DDHD1: variants seen among roughly 807,000 people sequenced by gnomAD.
DDHD1 encodes the protein DDHD domain containing 1.
A neutral mutation model predicts 96.4 loss-of-function variants in DDHD1; 49 were observed. The observed-to-expected ratio is 0.51, with a 90% CI of 0.40 to 0.64. The LOEUF is 0.64. Ranked by LOEUF, DDHD1 falls within the 30% of genes least tolerant of loss-of-function variation. The pLI is 0.00. For missense variants in DDHD1, 1,106 were observed against 1,161.2 expected, an observed-to-expected ratio of 0.95 and a Z score of 0.69; for synonymous variants, 442 against 446.5, an observed-to-expected ratio of 0.99 and a Z score of 0.13.
chr14:53,146,754 C>G (rs1328803025), intron 1 of DDHD1, among the ~76,000 whole-genome samples: 5 of 152,138 alleles, frequency 3.3e-5, no homozygotes, highest in Non-Finnish European at 7.3e-5. Flanking sequence ...TGATTCAACA[C>G]TTGTTATGGG....
intron 1 of DDHD1, among the ~76,000 whole-genome samples, chr14:53,111,385 ATTTT>A (rs112771199): frequency 6.8e-6 from 1 of 147,812 alleles, no homozygotes; most frequent in Non-Finnish European, 1.5e-5. Context: ...CCCATAAATC[ATTTT>A]TTTTTTTTAA....
intron 2 of DDHD1, chr14:53,103,105 T>C (rs1887432856): frequency 5.9e-6 from 9 of 1,527,560 alleles, no homozygotes; most frequent in Non-Finnish European, 8.0e-6. Flanking sequence ...TATTTTGAAG[T>C]TTACTCAAGA....
intron 1 of DDHD1, among the ~76,000 whole-genome samples, chr14:53,113,103 G>C (rs1477989197): frequency 3.3e-5 from 5 of 151,646 alleles, no homozygotes; most frequent in Non-Finnish European, 7.4e-5. Flanking sequence ...AGGAATATAG[G>C]GGTGCACCAC....
At chr14:53,102,980 A>G in intron 2 of DDHD1, 7 of 1,537,066 alleles carry the variant, frequency 4.6e-6, no homozygotes, top group Non-Finnish European at 6.1e-6. Flanking sequence ...TTTAGAAGAA[A>G]AACTTCAGAC....
At chr14:53,101,109 G>A (rs1234659009) in intron 2 of DDHD1, among the ~76,000 whole-genome samples, 2 of 152,094 alleles carry the variant, frequency 1.3e-5, no homozygotes, top group South Asian at 2.1e-4. Flanking sequence ...AATTTAGGTG[G>A]AAAGGGTATT....
intron 12 of DDHD1, among the ~76,000 whole-genome samples, chr14:53,049,803 G>C (rs929659128): frequency 6.6e-6 from 1 of 152,034 alleles, no homozygotes; most frequent in Non-Finnish European, 1.5e-5. Context: ...AAAAGAAACT[G>C]TGTTTTTAAA....
At chr14:53,059,896 A>G (rs1883402273) in intron 8 of DDHD1, among the ~76,000 whole-genome samples, 1 of 148,958 alleles carries the variant, frequency 6.7e-6, no homozygotes, top group Non-Finnish European at 1.5e-5. Flanking sequence ...AAAAGTAATG[A>G]TAGTAGAGAT....
At chr14:53,126,993 T>A (rs1850037637) in intron 1 of DDHD1, among the ~76,000 whole-genome samples, 1 of 152,152 alleles carries the variant, frequency 6.6e-6, no homozygotes, top group African/African-American at 2.4e-5. Flanking sequence ...ACTAAAATTT[T>A]TTAAAAAAGA....
rs147081638 is a variant in DDHD1, at chr14:53,135,719, C to A, written c.838+16542G>T. On this transcript the variant is annotated intron_variant, in intron 1 of 12. Coordinates refer to ENST00000673822, the MANE Select transcript of DDHD1 (RefSeq NM_001160148.2). ...ACGGTCAAGAATGAAGAGAGTAAAT[C>A]AGTTAAACTGGAAGAACAGACTTCT... 1.1e-3 allele frequency among the ~76,000 whole-genome samples: 174 copies of A among 152,328 alleles called. 1 individual carries two copies. The highest frequency in any genetic ancestry group is 4.0e-3 in the African/African-American group (168 of 41,570).
At chr14:53,053,423 T>TA (rs1231217792) in intron 11 of DDHD1, 1 of 152,110 alleles carries the variant, frequency 6.6e-6, no homozygotes. Context: ...ATAATTAAAT[T>TA]AAAAATGCTG....
intron 2 of DDHD1, among the ~76,000 whole-genome samples, chr14:53,094,336 G>T (rs1267921539): frequency 6.6e-6 from 1 of 152,152 alleles, no homozygotes; most frequent in Non-Finnish European, 1.5e-5. Context: ...GCTCATCATA[G>T]CAGAAATCCA....
intron 4 of DDHD1, among the ~76,000 whole-genome samples, chr14:53,082,159 G>T (rs1885521339): frequency 6.6e-6 from 1 of 152,144 alleles, no homozygotes; most frequent in Non-Finnish European, 1.5e-5. Context: ...CAAAAATCAT[G>T]ATTTCAGTCC....
At chr14:53,146,612 T>C (rs1891002156) in intron 1 of DDHD1, among the ~76,000 whole-genome samples, 2 of 152,232 alleles carry the variant, frequency 1.3e-5, no homozygotes, top group African/African-American at 2.4e-5. Flanking sequence ...TTTGCTACTG[T>C]TTTTCTTCAG....
At chr14:53,127,072 C>G (rs549714234) in intron 1 of DDHD1, among the ~76,000 whole-genome samples, 1 of 152,028 alleles carries the variant, frequency 6.6e-6, no homozygotes, top group Non-Finnish European at 1.5e-5. Context: ...GATGTAAACG[C>G]TTGAACATAT....
chr14:53,083,525 T>C (rs1273069846), intron 4 of DDHD1, among the ~76,000 whole-genome samples: 3 of 152,212 alleles, frequency 2.0e-5, no homozygotes, highest in African/African-American at 4.8e-5. Flanking sequence ...ACAAAGGTGA[T>C]TGAAGCTAGT....
intron 1 of DDHD1, among the ~76,000 whole-genome samples, chr14:53,115,256 A>G (rs1343783498): frequency 6.6e-6 from 1 of 152,226 alleles, no homozygotes; most frequent in Non-Finnish European, 1.5e-5. Flanking sequence ...TTTAACTGGT[A>G]TACCTGAAAG....
rs751145177 is a variant in DDHD1, at chr14:53,152,972, G to A, written c.127C>T (p.His43Tyr). The change falls in exon 1 of 13, where the codon CAC (histidine) becomes TAC (tyrosine). Residue 43 changes from histidine to tyrosine, a missense_variant. Transcript: ENST00000673822. ...TCGTCCGGGTCCCCGCCGGGCAGGT[G>A]CTCGAAGCAGCAGACGCCGCCGCCG... ...AFGGGVCCFE[H>Y]LPGGDPDDGD... 12 of 1,577,060 alleles carry A rather than the reference G, an allele frequency of 7.6e-6. 1 individual carries two copies. In the Admixed American group the frequency reaches 1.7e-4, roughly 22 times the overall value.
intron 3 of DDHD1, 31 bp downstream of exon 3, chr14:53,093,285 T>C (rs1886592300): frequency 2.5e-6 from 4 of 1,576,070 alleles, no homozygotes; most frequent in Non-Finnish European, 3.4e-6. Context: ...TCCCAAAATT[T>C]TGATAAGCTC....
At chr14:53,061,767 C>G (rs2139864869) in intron 7 of DDHD1, among the ~76,000 whole-genome samples, 1 of 152,168 alleles carries the variant, frequency 6.6e-6, no homozygotes, top group East Asian at 1.9e-4. Flanking sequence ...GGCGCAGTAG[C>G]TTATGTCTGG....
Sources: allele counts gnomAD v4.1 joint callset (sites outside exome capture counted in the v4.1 genomes callset), GRCh38; gene constraint gnomAD v4.1.1; transcripts MANE v1.5; gene names NCBI Gene and HGNC (gene_info 2026-07-23, HGNC 2026-07-21).